NRG3: variants seen among roughly 807,000 people sequenced by gnomAD.
The protein encoded by NRG3 is neuregulin 3.
In NRG3, 31 loss-of-function variants were observed where a neutral mutation model predicts 66.9. The ratio of observed to expected loss-of-function variants is 0.46; its 90% confidence interval spans 0.35 to 0.63. NRG3 has a LOEUF of 0.63. Among genes scored for constraint, NRG3 ranks in the 20% least tolerant of loss-of-function variants. The pLI is 0.00. For missense variants in NRG3, 910 were observed against 878.9 expected (o/e 1.04, Z -0.45); for synonymous variants, 393 against 359.4 (o/e 1.09, Z -1.06).
At chr10:82,452,251 G>A (rs766379984) in intron 2 of NRG3, among the ~76,000 whole-genome samples, 2 of 152,102 alleles carry the variant, frequency 1.3e-5, no homozygotes, top group Non-Finnish European at 2.9e-5. Flanking sequence ...TTCTGTTTAC[G>A]ACTATGAAGT....
chr10:81,891,545 C>T (rs907939681), intron 1 of NRG3, among the ~76,000 whole-genome samples: 6 of 152,146 alleles, frequency 3.9e-5, no homozygotes, highest in Non-Finnish European at 8.8e-5. Flanking sequence ...GAGGTGATTT[C>T]CATGGAGACT....
chr10:82,031,396 A>G (rs1235215233), intron 1 of NRG3, among the ~76,000 whole-genome samples: 2 of 152,124 alleles, frequency 1.3e-5, no homozygotes, highest in Non-Finnish European at 2.9e-5. Flanking sequence ...TTTAATTATA[A>G]TATTCTAACT....
chr10:82,920,814 T>C (rs550211966), intron 4 of NRG3, among the ~76,000 whole-genome samples: 2 of 152,208 alleles, frequency 1.3e-5, no homozygotes, highest in East Asian at 1.9e-4. Flanking sequence ...AGCAACAAAA[T>C]AAAGTTAGAT....
chr10:82,405,609 A>C (rs2087458677), intron 2 of NRG3, among the ~76,000 whole-genome samples: 1 of 152,010 alleles, frequency 6.6e-6, no homozygotes, highest in African/African-American at 2.4e-5. Context: ...CAGGGACTAC[A>C]GGTGTGCATC....
At chr10:82,089,963 T>C (rs2065934844) in intron 1 of NRG3, among the ~76,000 whole-genome samples, 1 of 152,174 alleles carries the variant, frequency 6.6e-6, no homozygotes, top group Non-Finnish European at 1.5e-5. Context: ...CTGCCCCAGC[T>C]CTTTGCCCTC....
At chr10:82,549,812 G>T (rs956112042) in intron 2 of NRG3, among the ~76,000 whole-genome samples, 88 of 151,390 alleles carry the variant, frequency 5.8e-4, no homozygotes, top group African/African-American at 2.0e-3. Flanking sequence ...GTGATGCTTG[G>T]GTGCCAATAA....
At chr10:82,044,017 G>C (rs553535532) in intron 1 of NRG3, among the ~76,000 whole-genome samples, 1 of 152,084 alleles carries the variant, frequency 6.6e-6, no homozygotes, top group Non-Finnish European at 1.5e-5. Context: ...TGGTGAATGA[G>C]TGAGCGACAG....
intron 2 of NRG3, among the ~76,000 whole-genome samples, chr10:82,461,748 A>G (rs2091525420): frequency 1.3e-5 from 2 of 152,128 alleles, no homozygotes. Flanking sequence ...GAATAACTGA[A>G]TGAGGCATAT....
intron 1 of NRG3, among the ~76,000 whole-genome samples, chr10:82,109,793 A>G (rs952104482): frequency 6.6e-6 from 1 of 152,154 alleles, no homozygotes; most frequent in African/African-American, 2.4e-5. Context: ...ACAAGCCTTC[A>G]AATTCAGTAC....
At chr10:81,928,148 G>T (rs1249448062) in intron 1 of NRG3, among the ~76,000 whole-genome samples, 1 of 152,134 alleles carries the variant, frequency 6.6e-6, no homozygotes, top group Admixed American at 6.5e-5. Context: ...TAACCACTTT[G>T]TGAAACAGTT....
At chr10:82,497,835 G>A (rs1446139782) in intron 2 of NRG3, among the ~76,000 whole-genome samples, 2 of 152,026 alleles carry the variant, frequency 1.3e-5, no homozygotes, top group Non-Finnish European at 2.9e-5. Context: ...TTTCATAATG[G>A]CTATACCAGT....
At chr10:81,895,329 A>G (rs1370067271) in intron 1 of NRG3, among the ~76,000 whole-genome samples, 1 of 152,158 alleles carries the variant, frequency 6.6e-6, no homozygotes, top group East Asian at 1.9e-4. Context: ...AAAATGTTAT[A>G]TCATAGATAG....
At chr10:82,962,322 G>C (rs1284660625) in intron 6 of NRG3, among the ~76,000 whole-genome samples, 1 of 152,154 alleles carries the variant, frequency 6.6e-6, no homozygotes, top group Non-Finnish European at 1.5e-5. Context: ...TCTCAGCCTG[G>C]TTTAGGGATC....
intron 1 of NRG3, among the ~76,000 whole-genome samples, chr10:82,088,594 A>C (rs1228636495): frequency 2.6e-5 from 4 of 152,162 alleles, no homozygotes; most frequent in African/African-American, 9.7e-5. Flanking sequence ...TTTGATTTTG[A>C]ATGCACAGGC....
At chr10:82,009,425 G>A (rs1442217139) in intron 1 of NRG3, among the ~76,000 whole-genome samples, 2 of 152,066 alleles carry the variant, frequency 1.3e-5, no homozygotes, top group East Asian at 1.9e-4. Context: ...AGGTGGTTGA[G>A]CCTTTCACCA....
At chr10:82,725,547 T>A (rs954448449) in intron 2 of NRG3, among the ~76,000 whole-genome samples, 1 of 152,184 alleles carries the variant, frequency 6.6e-6, no homozygotes, top group African/African-American at 2.4e-5. Flanking sequence ...AAAAATTGTA[T>A]ACATTAAACT....
chr10:81,983,608 G>A (rs1218361439), intron 1 of NRG3, among the ~76,000 whole-genome samples: 1 of 152,004 alleles, frequency 6.6e-6, no homozygotes, highest in Admixed American at 6.6e-5. Context: ...TGTGTTCTAG[G>A]CACCACACTA....
At chr10:82,010,567 A>G (rs1189648962) in intron 1 of NRG3, among the ~76,000 whole-genome samples, 2 of 152,178 alleles carry the variant, frequency 1.3e-5, no homozygotes, top group African/African-American at 2.4e-5. Context: ...CCAGTGTTCA[A>G]GTCTGCTGAT....
At chr10:82,385,248 C>T (rs751308392) in intron 2 of NRG3, among the ~76,000 whole-genome samples, 15 of 151,998 alleles carry the variant, frequency 9.9e-5, no homozygotes, top group East Asian at 1.9e-4. Flanking sequence ...AGTTTTCTCC[C>T]GTTCTGTTTC....
Sources: allele counts gnomAD v4.1 joint callset (sites outside exome capture counted in the v4.1 genomes callset), GRCh38; gene constraint gnomAD v4.1.1; transcripts MANE v1.5; gene names NCBI Gene and HGNC (gene_info 2026-07-23, HGNC 2026-07-21).